Variants in NR3C1 observed in about 807,000 individuals in gnomAD.
NR3C1 encodes the protein nuclear receptor subfamily 3 group C member 1.
NR3C1 carries 14 observed loss-of-function variants against 74.0 expected under a neutral mutation model. The observed-to-expected ratio is 0.19, with a 90% CI of 0.12 to 0.30. The LOEUF is 0.30. Among genes scored for constraint, NR3C1 ranks in the 10% least tolerant of loss-of-function variants. The pLI is 1.00. For synonymous variants in NR3C1, 308 were observed against 332.5 expected (o/e 0.93, Z 0.80); for missense variants, 695 against 909.8 (o/e 0.76, Z 3.04).
chr5:143,322,563 C>T (rs1172485459), intron 2 of NR3C1, among the ~76,000 whole-genome samples: 1 of 152,170 alleles, frequency 6.6e-6, no homozygotes, highest in East Asian at 1.9e-4. Context: ...GTGTGACGAT[C>T]TGTGTCATTT....
intron 2 of NR3C1, among the ~76,000 whole-genome samples, chr5:143,363,270 A>G (rs1832606964): frequency 6.6e-6 from 1 of 152,236 alleles, no homozygotes; most frequent in South Asian, 2.1e-4. Context: ...AAGTCACTAA[A>G]CAAACATCTA....
intron 2 of NR3C1, among the ~76,000 whole-genome samples, chr5:143,357,601 T>C (rs1371173547): frequency 1.3e-5 from 2 of 152,190 alleles, no homozygotes; most frequent in African/African-American, 4.8e-5. Context: ...CTTGCTCTCC[T>C]TCAGTTTCCA....
At chr5:143,410,119 C>T (rs1387153852) in intron 1 of NR3C1, among the ~76,000 whole-genome samples, 1 of 152,160 alleles carries the variant, frequency 6.6e-6, no homozygotes, top group Non-Finnish European at 1.5e-5. Context: ...ACAAGTATTA[C>T]GTACTTTGTT....
At chr5:143,398,872 A>G (rs1839735493) in intron 2 of NR3C1, among the ~76,000 whole-genome samples, 1 of 152,180 alleles carries the variant, frequency 6.6e-6, no homozygotes, top group South Asian at 2.1e-4. Flanking sequence ...TAAAAAAAAG[A>G]GAAAAATCAA....
At position 143,279,694 on chromosome 5, in the gene NR3C1, T is replaced by C. The variant is rs1812818987; in HGVS notation, c.*2195A>G. ...ATTTTATTTGGAAATAAACTCTTGT[T>C]GTAGGATAGAAAGGAATTAGTGTAT... On this transcript the variant is annotated 3_prime_UTR_variant, in exon 9 of 9. Transcript: ENST00000394464. 1 of 318,188 alleles carries C rather than the reference T, an allele frequency of 3.1e-6. No individual in the cohort carries two copies. Among genetic ancestry groups the C allele is most frequent in the Non-Finnish European group, 5.6e-6 (1 of 177,240 alleles). 19.7% of individuals were successfully genotyped at this position (318,188 alleles called of 1,614,324 possible). A position where few individuals can be genotyped will look rare whatever the true frequency, so the allele number is the denominator to read the frequency against.
rs899691836 is a variant in NR3C1 at position 143,412,422 on chromosome 5, A to AT, written c.-13-11571dup. ...TTGAGCCTATCCCAATTTATAGTAG[A>AT]TTTTTTTTTCTCACATTTGGCAATT... On this transcript the variant is annotated intron_variant, in intron 1 of 8. Transcript: ENST00000343796. Among the ~76,000 whole-genome samples, 12 of 151,442 alleles carry AT rather than the reference A, an allele frequency of 7.9e-5. No individual in the cohort carries two copies. In the South Asian group the frequency reaches 8.3e-4, roughly 11 times the overall value.
At chr5:143,402,969 G>A (rs1320720201) in intron 1 of NR3C1, among the ~76,000 whole-genome samples, 1 of 152,172 alleles carries the variant, frequency 6.6e-6, no homozygotes, top group Non-Finnish European at 1.5e-5. Context: ...GCCGTCCGAG[G>A]TCAGGTTCCT....
At chr5:143,320,658 G>C (rs1324010035) in intron 2 of NR3C1, among the ~76,000 whole-genome samples, 8 of 152,188 alleles carry the variant, frequency 5.3e-5, no homozygotes, top group Non-Finnish European at 1.5e-5. Context: ...CTTAGGTCCT[G>C]TGTATTTATT....
At chr5:143,295,071 T>C (rs758834874) in intron 7 of NR3C1, 231 of 985,306 alleles carry the variant, frequency 2.3e-4, no homozygotes, top group Non-Finnish European at 2.7e-4. Context: ...TAATTTCTCA[T>C]ACATGCTAAT....
rs1813139314 is a variant in NR3C1 at position 143,281,728 on chromosome 5, T to C, written c.*161A>G. 1.4e-6 allele frequency: 1 copy of C among 693,744 alleles called. No homozygotes were observed. The highest frequency in any genetic ancestry group is 2.4e-6 in the Non-Finnish European group (1 of 420,366). 43.0% of individuals were successfully genotyped at this position (693,744 alleles called of 1,614,324 possible). A position where few individuals can be genotyped will look rare whatever the true frequency, so the allele number is the denominator to read the frequency against. ...ACTCAACTGCTTCTGTTGCCAAGTCTTGGCCCTCTATAAACCACATGTAGT... is the reference window on the plus strand; with the variant it reads ...ACTCAACTGCTTCTGTTGCCAAGTCCTGGCCCTCTATAAACCACATGTAGT... On this transcript the variant is annotated 3_prime_UTR_variant, in exon 9 of 9. Coordinates refer to ENST00000394464, the MANE Select transcript of NR3C1 (RefSeq NM_000176.3).
intron 2 of NR3C1, among the ~76,000 whole-genome samples, chr5:143,331,288 C>A (rs564918150): frequency 6.6e-6 from 1 of 152,098 alleles, no homozygotes; most frequent in Non-Finnish European, 1.5e-5. Flanking sequence ...AATAATAGAT[C>A]CTGGTGAGGT....
At chr5:143,402,787 C>G in intron 1 of NR3C1, 1 of 985,414 alleles carries the variant, frequency 1.0e-6, no homozygotes, top group Non-Finnish European at 1.2e-6. Context: ...GCCGGGGTGG[C>G]GTGCAAATAT....
chr5:143,370,063 G>A (rs2151850504), intron 2 of NR3C1, among the ~76,000 whole-genome samples: 1 of 152,222 alleles, frequency 6.6e-6, no homozygotes, highest in South Asian at 2.1e-4. Context: ...TTGGAATCTG[G>A]CTCTTTCCAG....
At chr5:143,434,214 G>A (rs1025114988) in intron 1 of NR3C1, among the ~76,000 whole-genome samples, 6 of 152,074 alleles carry the variant, frequency 3.9e-5, no homozygotes, top group Admixed American at 6.5e-5. Flanking sequence ...TTTAAAACGC[G>A]TTGTCTCGTT....
In NR3C1 at chr5:143,400,679, G is replaced by C; in HGVS notation, c.161C>G (p.Ser54Ter). The part of the protein sequence containing the change: ...SSPSLAVASQ[S>*]DSKQRRLLVD... ...CAAAAGTCTTCGCTGCTTGGAGTCT[G>C]ATTGAGAAGCGACAGCCAGTGAGGG... The change falls in exon 2 of 9, where the codon TCA becomes TGA. Residue 54 changes from serine (S) to a stop codon, truncating the protein, a stop_gained. Transcript: ENST00000394464. LOFTEE classifies it high-confidence loss of function. 6.2e-7 allele frequency: 1 copy of C among 1,614,060 alleles called. No homozygotes were observed. The highest frequency in any genetic ancestry group is 8.5e-7 in the Non-Finnish European group (1 of 1,179,928).
chr5:143,298,593 G>T, intron 6 of NR3C1, 75 bp downstream of exon 6: 1 of 1,464,224 alleles, frequency 6.8e-7, no homozygotes, highest in Non-Finnish European at 9.5e-7. Context: ...TATCACAATA[G>T]CAGTCAATCA....
intron 2 of NR3C1, among the ~76,000 whole-genome samples, chr5:143,327,298 C>G (rs1397999990): frequency 1.3e-5 from 2 of 152,106 alleles, no homozygotes; most frequent in South Asian, 2.1e-4. Context: ...ATCACAAGAA[C>G]AGCATGGAAA....
At chr5:143,320,276 T>A (rs1823073225) in intron 2 of NR3C1, among the ~76,000 whole-genome samples, 2 of 152,234 alleles carry the variant, frequency 1.3e-5, no homozygotes, top group Admixed American at 6.5e-5. Flanking sequence ...TTTTATCTTA[T>A]TTAACAAGCC....
intron 4 of NR3C1, among the ~76,000 whole-genome samples, chr5:143,305,561 G>T (rs1819402636): frequency 6.6e-6 from 1 of 152,168 alleles, no homozygotes; most frequent in African/African-American, 2.4e-5. Flanking sequence ...ATACTATGTG[G>T]CCACAAAAAG....
Sources: allele counts gnomAD v4.1 joint callset (sites outside exome capture counted in the v4.1 genomes callset), GRCh38; gene constraint gnomAD v4.1.1; transcripts MANE v1.5; gene names NCBI Gene and HGNC (gene_info 2026-07-23, HGNC 2026-07-21).